KIF2A: variants seen among roughly 807,000 people sequenced by gnomAD.
KIF2A encodes kinesin family member 2A, also known as kinesin-like protein KIF2A.
In KIF2A, 22 loss-of-function variants were observed where a neutral mutation model predicts 100.2. The observed-to-expected ratio is 0.22, with a 90% CI of 0.16 to 0.31. The LOEUF is 0.31. KIF2A is among the 10% of genes least tolerant of loss of function. The pLI is 1.00. For synonymous variants in KIF2A, 268 were observed against 285.9 expected, an observed-to-expected ratio of 0.94 and a Z score of 0.63; for missense variants, 495 against 898.7, an observed-to-expected ratio of 0.55 and a Z score of 5.74.
intron 14 of KIF2A, 78 bp from the exon 15 acceptor site, chr5:62,365,165 G>T (rs968816967): frequency 3.0e-6 from 2 of 662,640 alleles, no homozygotes; most frequent in Non-Finnish European, 5.0e-6. Flanking sequence ...TGTAGTAAGA[G>T]ACCTTTTAAA....
Position 62,306,223 on chromosome 5 carries a change from C to T in KIF2A, c.-250C>T, listed in dbSNP as rs141968809. On this transcript the variant is annotated 5_prime_UTR_variant, in exon 1 of 21. Transcript: ENST00000407818. ...GCCCTCCCACTCTACCCCGCGCCGTCTCACGGCCCCGGCCCTAGCTTCACC... is the reference window on the plus strand; with the variant it reads ...GCCCTCCCACTCTACCCCGCGCCGTTTCACGGCCCCGGCCCTAGCTTCACC... 0.068 allele frequency: 31,343 copies of T among 459,908 alleles called. 1,418 individuals carry two copies. The highest frequency in any genetic ancestry group is 0.13 in the Middle Eastern group (220 of 1,754). 28.5% of individuals were successfully genotyped at this position (459,908 alleles called of 1,614,324 possible).
chr5:62,352,794 T>A, intron 5 of KIF2A, 84 bp downstream of exon 5: 1 of 1,026,008 alleles, frequency 9.7e-7, no homozygotes. Context: ...CCTCAAAGAG[T>A]AAACACTCTA....
intron 9 of KIF2A, 96 bp from the exon 10 acceptor site, chr5:62,361,146 T>C (rs1014029655): frequency 1.5e-4 from 81 of 548,736 alleles, no homozygotes; most frequent in Non-Finnish European, 2.3e-4. Context: ...TGCTATTAAG[T>C]TTTATTTATT....
intron 1 of KIF2A, among the ~76,000 whole-genome samples, chr5:62,346,051 A>G (rs1265323237): frequency 1.3e-5 from 2 of 152,020 alleles, no homozygotes; most frequent in Non-Finnish European, 2.9e-5. Flanking sequence ...AGTGTTTATA[A>G]TAATAATAAT....
At position 62,371,388 on chromosome 5, in the gene KIF2A, G is replaced by A. The variant is rs192264552; in HGVS notation, c.1647-1050G>A. Among the ~76,000 whole-genome samples the A allele has an allele frequency of 1.5e-3, 235 of 152,312 alleles. 1 individual carries two copies. Among genetic ancestry groups the A allele is most frequent in the African/African-American group, 5.5e-3 (228 of 41,572 alleles). On this transcript the variant is annotated intron_variant, in intron 16 of 20. Transcript: ENST00000407818. Reference sequence around the variant, plus strand: ...ATAGGTCAAAGAAAGACTGTTAGTAGAGGAAACATATTAGTTTGATTTATA... The same window carrying A: ...ATAGGTCAAAGAAAGACTGTTAGTAAAGGAAACATATTAGTTTGATTTATA...
intron 1 of KIF2A, among the ~76,000 whole-genome samples, chr5:62,318,446 AT>A (rs1282566977): frequency 6.6e-6 from 1 of 152,138 alleles, no homozygotes; most frequent in Non-Finnish European, 1.5e-5. Flanking sequence ...TTGTGTGTTT[AT>A]TTTTTAAATT....
At chr5:62,344,649 C>T in intron 1 of KIF2A, among the ~76,000 whole-genome samples, 1 of 152,122 alleles carries the variant, frequency 6.6e-6, no homozygotes, top group South Asian at 2.1e-4. Flanking sequence ...TTTGTGGAAG[C>T]ATTCACACCT....
chr5:62,377,172 G>T (rs1205914047), intron 18 of KIF2A, among the ~76,000 whole-genome samples: 1 of 152,060 alleles, frequency 6.6e-6, no homozygotes, highest in Non-Finnish European at 1.5e-5. Flanking sequence ...TAAGAAATTA[G>T]TTAAGAGTTA....
intron 1 of KIF2A, chr5:62,308,288 C>A: frequency 7.5e-7 from 1 of 1,325,922 alleles, no homozygotes; most frequent in Non-Finnish European, 9.8e-7. Flanking sequence ...TGAAAGAGTG[C>A]TGTTAATGTC....
intron 1 of KIF2A, among the ~76,000 whole-genome samples, chr5:62,311,198 A>G (rs999222112): frequency 7.2e-5 from 11 of 152,234 alleles, no homozygotes; most frequent in African/African-American, 2.7e-4. Context: ...CATGCTTAGC[A>G]TAGAAATCAG....
intron 6 of KIF2A, among the ~76,000 whole-genome samples, chr5:62,354,027 C>G (rs1477550480): frequency 6.6e-6 from 1 of 152,120 alleles, no homozygotes; most frequent in African/African-American, 2.4e-5. Context: ...CTACTTTTCT[C>G]TAATAAAACA....
At chr5:62,327,034 A>C (rs1035694590) in intron 1 of KIF2A, among the ~76,000 whole-genome samples, 21 of 152,206 alleles carry the variant, frequency 1.4e-4, no homozygotes, top group Admixed American at 3.9e-4. Flanking sequence ...ATCTGTTAGC[A>C]GCATTTGACA....
At chr5:62,377,879 G>C in intron 19 of KIF2A, 117 bp downstream of exon 19, 1 of 537,158 alleles carries the variant, frequency 1.9e-6, no homozygotes. Flanking sequence ...ATATGTATAT[G>C]TGTATTTGTA....
chr5:62,331,760 A>G (rs1044840516), intron 1 of KIF2A, among the ~76,000 whole-genome samples: 29 of 43,466 alleles, frequency 6.7e-4, no homozygotes, highest in Non-Finnish European at 1.4e-3. Flanking sequence ...AGAAATAGAA[A>G]CGAAAAAAAA....
chr5:62,368,210 C>A (rs776240274), intron 16 of KIF2A, among the ~76,000 whole-genome samples: 19 of 151,924 alleles, frequency 1.3e-4, no homozygotes, highest in Middle Eastern at 3.4e-3. Context: ...CCTTATTCAT[C>A]TGTCTCTACC....
At chr5:62,353,512 G>T in intron 6 of KIF2A, 137 bp downstream of exon 6, 1 of 471,374 alleles carries the variant, frequency 2.1e-6, no homozygotes, top group Non-Finnish European at 3.8e-6. Context: ...TGATATTGAG[G>T]AATAATATAA....
intron 1 of KIF2A, among the ~76,000 whole-genome samples, chr5:62,314,728 T>C (rs572676780): frequency 6.6e-6 from 1 of 150,804 alleles, no homozygotes; most frequent in East Asian, 2.0e-4. Context: ...TAAAATTTGC[T>C]GAGTGTCTAT....
intron 18 of KIF2A, among the ~76,000 whole-genome samples, chr5:62,375,506 A>G (rs1347567986): frequency 6.6e-6 from 1 of 152,256 alleles, no homozygotes; most frequent in Admixed American, 6.5e-5. Flanking sequence ...TGAAGCCAGG[A>G]TTGAAATTTA....
intron 1 of KIF2A, among the ~76,000 whole-genome samples, chr5:62,338,327 C>T (rs1251526245): frequency 6.6e-6 from 1 of 152,164 alleles, no homozygotes; most frequent in Non-Finnish European, 1.5e-5. Flanking sequence ...CTTGCTGTGT[C>T]ACCCAGACTC....
Sources: allele counts gnomAD v4.1 joint callset (sites outside exome capture counted in the v4.1 genomes callset), GRCh38; gene constraint gnomAD v4.1.1; transcripts MANE v1.5; gene names NCBI Gene and HGNC (gene_info 2026-07-23, HGNC 2026-07-21).